LRRC7: variants seen among roughly 807,000 people sequenced by gnomAD.
LRRC7 encodes the protein leucine rich repeat containing 7.
LRRC7 carries 23 observed loss-of-function variants against 175.7 expected under a neutral mutation model. That is an observed-to-expected ratio of 0.13 (90% confidence interval 0.09 to 0.19). The LOEUF is 0.19. Ranked by LOEUF, LRRC7 falls within the 10% of genes least tolerant of loss-of-function variation. The pLI, the probability that LRRC7 is intolerant of heterozygous loss-of-function variation, is 1.00. For missense variants in LRRC7, 1,354 were observed against 1,904.7 expected, an observed-to-expected ratio of 0.71 and a Z score of 5.38; for synonymous variants, 685 against 680.9, an observed-to-expected ratio of 1.01 and a Z score of -0.09.
intron 24 of LRRC7, among the ~76,000 whole-genome samples, chr1:70,084,457 C>T (rs961518236): frequency 6.6e-6 from 1 of 152,138 alleles, no homozygotes; most frequent in African/African-American, 2.4e-5. Context: ...GCATAAGGAA[C>T]TGAATGTAGC....
At chr1:69,683,421 C>A (rs147164874) in intron 2 of LRRC7, among the ~76,000 whole-genome samples, 1 of 152,122 alleles carries the variant, frequency 6.6e-6, no homozygotes. Flanking sequence ...TCAAGAAAGA[C>A]AATAGCCATA....
chr1:69,860,800 A>G (rs1180364799), intron 7 of LRRC7, among the ~76,000 whole-genome samples: 1 of 152,110 alleles, frequency 6.6e-6, no homozygotes, highest in East Asian at 1.9e-4. Context: ...GATTTGAATA[A>G]ATGAAAAGAC....
rs763821316 is a variant in LRRC7 at position 69,882,610 on chromosome 1, C to CT, written c.647+44342dup. On this transcript the variant is annotated intron_variant, in intron 7 of 26. Transcript: ENST00000651989. ...ATGGATGAAACTAGAGGACATTTTTCTTTTTTTTTTTTTTTAATTATACTT... is the reference window on the plus strand; with the variant it reads ...ATGGATGAAACTAGAGGACATTTTTCTTTTTTTTTTTTTTTTAATTATACTT... 6.2e-3 allele frequency among the ~76,000 whole-genome samples: 835 copies of CT among 133,688 alleles called. 4 individuals are homozygous for CT. The highest frequency in any genetic ancestry group is 0.011 in the Middle Eastern group (3 of 264). The allele number at this position is 133,688 out of a possible 152,430, so 87.7% of individuals were successfully genotyped here. A position where few individuals can be genotyped will look rare whatever the true frequency, so the allele number is the denominator to read the frequency against.
At chr1:69,609,760 AT>A (rs1483298433) in intron 1 of LRRC7, among the ~76,000 whole-genome samples, 5 of 152,080 alleles carry the variant, frequency 3.3e-5, no homozygotes, top group Non-Finnish European at 5.9e-5. Context: ...ATTTTCTGAT[AT>A]TTAGATTGTT....
At chr1:70,085,821 T>G (rs1057070263) in intron 24 of LRRC7, among the ~76,000 whole-genome samples, 6 of 152,328 alleles carry the variant, frequency 3.9e-5, no homozygotes, top group South Asian at 4.1e-4. Flanking sequence ...TTGCTATCTA[T>G]CTTCCTCATT....
chr1:69,910,919 G>A (rs1430906625), intron 7 of LRRC7, among the ~76,000 whole-genome samples: 3 of 152,212 alleles, frequency 2.0e-5, no homozygotes, highest in Admixed American at 6.5e-5. Flanking sequence ...CCCTTCCCCA[G>A]CCTCGCTGCC....
rs1400928593 is a variant in LRRC7 at position 70,124,540 on chromosome 1, A to ATTAT, written c.*2661_*2664dup. ...ACTCTGTCTCAAAATAAATAAATAA[A>ATTAT]TTATTTATTTAAGTAGAAAAGAGGC... On this transcript the variant is annotated 3_prime_UTR_variant, in exon 27 of 27. Transcript: ENST00000651989. Among the ~76,000 whole-genome samples, 1 of 152,112 alleles carries ATTAT rather than the reference A, an allele frequency of 6.6e-6. No individual in the cohort carries two copies. The highest frequency in any genetic ancestry group is 2.4e-5 in the African/African-American group (1 of 41,408).
intron 8 of LRRC7, among the ~76,000 whole-genome samples, chr1:69,931,917 A>T (rs1004840206): frequency 3.9e-4 from 59 of 152,240 alleles, no homozygotes; most frequent in African/African-American, 1.4e-3. Context: ...CTGAACAGGG[A>T]TTAAACCCAG....
intron 21 of LRRC7, among the ~76,000 whole-genome samples, chr1:70,040,588 G>A (rs1016836591): frequency 4.6e-5 from 7 of 152,242 alleles, no homozygotes; most frequent in South Asian, 2.1e-4. Flanking sequence ...TTGGGAGGCC[G>A]AGGCGGGCGG....
At chr1:69,892,144 G>A (rs181421564) in intron 7 of LRRC7, among the ~76,000 whole-genome samples, 278 of 152,238 alleles carry the variant, frequency 1.8e-3, no homozygotes, top group African/African-American at 6.3e-3. Flanking sequence ...CCAAAGTATC[G>A]TAAAAGGGGA....
intron 1 of LRRC7, among the ~76,000 whole-genome samples, chr1:69,639,885 A>G (rs2100422939): frequency 6.6e-6 from 1 of 151,926 alleles, no homozygotes; most frequent in East Asian, 1.9e-4. Context: ...ATAATCCACA[A>G]CTTTAAAACA....
chr1:69,655,315 G>A (rs189423855), intron 1 of LRRC7, among the ~76,000 whole-genome samples: 70 of 152,124 alleles, frequency 4.6e-4, no homozygotes, highest in Non-Finnish European at 7.4e-5. Context: ...CACGTAGGCG[G>A]CTGATGAGAT....
chr1:69,712,798 A>G (rs1320305685), intron 2 of LRRC7, among the ~76,000 whole-genome samples: 2 of 152,126 alleles, frequency 1.3e-5, no homozygotes, highest in African/African-American at 2.4e-5. Flanking sequence ...TGCTGGCTTT[A>G]TTTCTCTTGT....
chr1:70,037,860 T>A (rs190501284), intron 20 of LRRC7, among the ~76,000 whole-genome samples: 2 of 152,094 alleles, frequency 1.3e-5, no homozygotes, highest in Non-Finnish European at 2.9e-5. Context: ...CAACACAAGA[T>A]ACAATACACG....
chr1:69,843,463 A>G (rs1215454814), intron 7 of LRRC7, among the ~76,000 whole-genome samples: 1 of 152,054 alleles, frequency 6.6e-6, no homozygotes, highest in East Asian at 1.9e-4. Flanking sequence ...TTAAGAGAAA[A>G]ATTTTCCGAA....
chr1:69,656,785 C>T (rs1042358880), intron 1 of LRRC7, among the ~76,000 whole-genome samples: 2 of 152,030 alleles, frequency 1.3e-5, no homozygotes, highest in Admixed American at 6.6e-5. Flanking sequence ...TGGTAATTCA[C>T]ACTTGAAAGA....
chr1:69,915,885 CTTA>C (rs942460283), intron 7 of LRRC7, among the ~76,000 whole-genome samples: 21 of 150,336 alleles, frequency 1.4e-4, no homozygotes, highest in Non-Finnish European at 3.0e-4. Flanking sequence ...CATAGGGATT[CTTA>C]TTATCATTCT....
chr1:69,627,182 T>A (rs142762879), intron 1 of LRRC7, among the ~76,000 whole-genome samples: 2,547 of 152,266 alleles, frequency 0.017, 65 homozygotes, highest in African/African-American at 0.058. Context: ...TAGTTTACAG[T>A]CCCAGCAACA....
At chr1:69,945,609 A>G (rs1649224461) in intron 8 of LRRC7, among the ~76,000 whole-genome samples, 1 of 152,158 alleles carries the variant, frequency 6.6e-6, no homozygotes, top group South Asian at 2.1e-4. Context: ...CATTATACCA[A>G]TATTAATTCT....
Sources: allele counts gnomAD v4.1 joint callset (sites outside exome capture counted in the v4.1 genomes callset), GRCh38; gene constraint gnomAD v4.1.1; transcripts MANE v1.5; gene names NCBI Gene and HGNC (gene_info 2026-07-23, HGNC 2026-07-21).